The following PEMT variants were observed in gnomAD, a reference collection of about 807,000 sequenced individuals.
PEMT encodes the protein phospholipid methyltransferase.
PEMT carries 23 observed loss-of-function variants against 27.4 expected under a neutral mutation model. That is an observed-to-expected ratio of 0.84 (90% CI 0.60 to 1.19). The LOEUF is 1.19. Among genes scored for constraint, PEMT ranks in the 50% most tolerant of loss-of-function variants. The pLI, the probability that PEMT is intolerant of heterozygous loss-of-function variation, is 0.00. For synonymous variants in PEMT, 137 were observed against 139.1 expected, an observed-to-expected ratio of 0.98 and a Z score of 0.11; for missense variants, 307 against 310.1, an observed-to-expected ratio of 0.99 and a Z score of 0.07.
Position 17,512,766 on chromosome 17 carries a change from C to A in PEMT, c.321-112G>T. On this transcript the variant is annotated intron_variant, in intron 3 of 6. Coordinates refer to ENST00000255389, the MANE Select transcript of PEMT (RefSeq NM_148172.3). This position sits in a 1 kb window ranked among gnomAD's most constrained non-coding sequence, Gnocchi z 6.3. ...CTCCCCAGGGACCCTTAGAGAGTAG[C>A]CAGCCCAGGGCTGCCAGGCCAGGCA... The A allele has an allele frequency of 9.2e-7, 1 of 1,091,234 alleles. No individual in the cohort carries two copies. 67.6% of individuals were successfully genotyped at this position (1,091,234 alleles called of 1,614,324 possible).
chr17:17,520,643 C>T (rs1006695985), intron 3 of PEMT, among the ~76,000 whole-genome samples: 16 of 152,226 alleles, frequency 1.1e-4, no homozygotes, highest in African/African-American at 3.9e-4. Flanking sequence ...CCTTGCCCTC[C>T]GAGGGGTGAA....
At chr17:17,519,419 T>A (rs1219227853) in intron 3 of PEMT, among the ~76,000 whole-genome samples, 1 of 152,152 alleles carries the variant, frequency 6.6e-6, no homozygotes, top group Non-Finnish European at 1.5e-5. Context: ...AGGCCAACGC[T>A]GATATGAGAG....
chr17:17,570,421 G>A, intron 2 of PEMT: 30 of 742,146 alleles, frequency 4.0e-5, no homozygotes, highest in Non-Finnish European at 4.9e-5. Context: ...GATGGCCTGG[G>A]CTTGGGGTAC....
rs145387614 is a variant in PEMT, at chr17:17,553,814, C to T, written c.204+23106G>A. ...TCTAGAAACTTCTCTGGACAACTCT[C>T]CTCAGTTCCCTACTATGTCCTCTGC... On this transcript the variant is annotated intron_variant, in intron 2 of 6. Coordinates refer to ENST00000255389, the MANE Select transcript of PEMT (RefSeq NM_148172.3). Among the ~76,000 whole-genome samples, 1,145 of 152,364 alleles carry T rather than the reference C, an allele frequency of 7.5e-3. 9 individuals are homozygous for T. Among genetic ancestry groups the T allele is most frequent in the African/African-American group, 0.026 (1,091 of 41,578 alleles).
At position 17,531,100 on chromosome 17, in the gene PEMT, AG is replaced by A. The variant is rs373707736; in HGVS notation, c.205-8706del. 2.0e-3 allele frequency among the ~76,000 whole-genome samples: 308 copies of A among 152,156 alleles called. No homozygotes were observed. The Middle Eastern group carries it at 0.024, about 12-fold the overall frequency. On this transcript the variant is annotated intron_variant, in intron 2 of 6. Coordinates refer to ENST00000255389, the MANE Select transcript of PEMT (RefSeq NM_148172.3). ...AGAGGCCTGGAACAGTGAGCACCCT[AG>A]CATTCAAACTGTGGTCTCCAAATAT... is the stretch of plus-strand genomic sequence containing the variant.
chr17:17,577,410 C>A, intron 1 of PEMT: 2 of 945,332 alleles, frequency 2.1e-6, no homozygotes, highest in Non-Finnish European at 2.6e-6. Context: ...GATGCTCAAC[C>A]TACCAGGAAT....
intron 4 of PEMT, 65 bp from the exon 5 acceptor site, chr17:17,509,610 G>A: frequency 8.8e-7 from 1 of 1,141,238 alleles, no homozygotes; most frequent in Non-Finnish European, 1.3e-6. Flanking sequence ...ATCACTGAGG[G>A]AGGCCCCAGA....
At chr17:17,531,512 T>A (rs1908087397) in intron 2 of PEMT, among the ~76,000 whole-genome samples, 1 of 147,062 alleles carries the variant, frequency 6.8e-6, no homozygotes, top group Non-Finnish European at 1.5e-5. Flanking sequence ...AAGGACAAAG[T>A]GGAACTAACA....
At chr17:17,516,820 C>T (rs1014570441) in intron 3 of PEMT, among the ~76,000 whole-genome samples, 2 of 152,170 alleles carry the variant, frequency 1.3e-5, no homozygotes, top group African/African-American at 4.8e-5. Flanking sequence ...CCTATGCCAG[C>T]TTCCCTGTCC....
intron 2 of PEMT, among the ~76,000 whole-genome samples, chr17:17,543,008 G>T (rs142906888): frequency 3.3e-5 from 5 of 152,292 alleles, no homozygotes; most frequent in Admixed American, 6.5e-5. Context: ...TGGCCTCCTC[G>T]CATCAGTTAC....
At chr17:17,572,578 C>T (rs1911281493) in intron 2 of PEMT, among the ~76,000 whole-genome samples, 1 of 152,236 alleles carries the variant, frequency 6.6e-6, no homozygotes, top group Non-Finnish European at 1.5e-5. Context: ...GGACACCCAT[C>T]AGAGAGGCCT....
intron 2 of PEMT, among the ~76,000 whole-genome samples, chr17:17,545,807 C>T (rs1386457007): frequency 6.6e-6 from 1 of 152,178 alleles, no homozygotes; most frequent in African/African-American, 2.4e-5. Flanking sequence ...ACGTCAGCTA[C>T]CAAGGCAGGA....
rs977730295 is a variant in PEMT, at chr17:17,544,349, C to T, written c.205-21954G>A. Among the ~76,000 whole-genome samples, 12 of 149,316 alleles carry T rather than the reference C, an allele frequency of 8.0e-5. 1 individual carries two copies. In the South Asian group the frequency reaches 1.9e-3, roughly 24 times the overall value. ...AGGCTGGAGTGCAATGGTGTGATCT[C>T]GGCTCACTGCAACCTCCACCTCCCG... On this transcript the variant is annotated intron_variant, in intron 2 of 6. Coordinates refer to ENST00000255389, the MANE Select transcript of PEMT (RefSeq NM_148172.3).
At chr17:17,528,677 C>G (rs554826592) in intron 2 of PEMT, among the ~76,000 whole-genome samples, 2 of 152,312 alleles carry the variant, frequency 1.3e-5, no homozygotes, top group South Asian at 4.1e-4. Context: ...CTCATCCCAC[C>G]CTGGCCCCCC....
intron 2 of PEMT, among the ~76,000 whole-genome samples, chr17:17,557,855 G>A (rs927399127): frequency 1.3e-5 from 2 of 152,136 alleles, no homozygotes; most frequent in Non-Finnish European, 2.9e-5. Flanking sequence ...GCTTCAAGCC[G>A]GCCTCACCCT....
intron 2 of PEMT, among the ~76,000 whole-genome samples, chr17:17,572,919 TG>T (rs756383459): frequency 2.1e-4 from 32 of 152,264 alleles, no homozygotes; most frequent in Non-Finnish European, 4.1e-4. Flanking sequence ...CCAGGCGTGG[TG>T]GCTCATGCCT....
Position 17,591,675 on chromosome 17 carries a change from G to A in PEMT, c.-49C>T, listed in dbSNP as rs1912599355. On this transcript the variant is annotated 5_prime_UTR_variant, in exon 1 of 7. Transcript: ENST00000255389. ...CACGCGGGCCCCGCTGCAGCCACGC[G>A]CCCCCGGAACCGGACCTATAGAGCC... is the stretch of plus-strand genomic sequence containing the variant. The A allele has an allele frequency of 1.3e-6, 2 of 1,578,274 alleles. No homozygotes were observed. The highest frequency in any genetic ancestry group is 1.7e-6 in the Non-Finnish European group (2 of 1,162,486).
At chr17:17,556,979 A>T (rs1044398929) in intron 2 of PEMT, among the ~76,000 whole-genome samples, 1 of 152,186 alleles carries the variant, frequency 6.6e-6, no homozygotes, top group African/African-American at 2.4e-5. Flanking sequence ...GTCTTGGCAG[A>T]TCCGCAGGGG....
intron 2 of PEMT, among the ~76,000 whole-genome samples, chr17:17,556,704 T>C (rs1910079039): frequency 6.6e-6 from 1 of 152,234 alleles, no homozygotes; most frequent in South Asian, 2.1e-4. Context: ...CCTCTGAACA[T>C]GCATGGGGCT....
Sources: allele counts gnomAD v4.1 joint callset (sites outside exome capture counted in the v4.1 genomes callset), GRCh38; gene constraint gnomAD v4.1.1; non-coding constraint Gnocchi (gnomAD v3.1); transcripts MANE v1.5; gene names NCBI Gene and HGNC (gene_info 2026-07-23, HGNC 2026-07-21).